OR2L13: variants seen among roughly 807,000 people sequenced by gnomAD.
OR2L13 encodes olfactory receptor 2L13.
A neutral mutation model predicts 15.3 loss-of-function variants in OR2L13; 14 were observed. The ratio of observed to expected loss-of-function variants is 0.91; its 90% CI spans 0.60 to 1.43. The LOEUF (loss-of-function observed/expected upper bound fraction) is 1.43, where lower values mean the gene tolerates loss of function less well. Ranked by LOEUF, OR2L13 falls within the 40% of genes most tolerant of loss-of-function variation. The pLI, the probability that OR2L13 is intolerant of heterozygous loss-of-function variation, is 0.00. For missense variants in OR2L13, 367 were observed against 387.9 expected (o/e 0.95, Z 0.45); for synonymous variants, 152 against 142.9 (o/e 1.06, Z -0.45).
the OR2L13 span, chr1:248,061,094 G>T: frequency 1.1e-4 from 179 of 1,613,864 alleles, no homozygotes; most frequent in Non-Finnish European, 1.5e-4. Context: ...ATGAGCAAAA[G>T]AATGTGTGTG....
the OR2L13 span, among the ~76,000 whole-genome samples, chr1:247,940,755 T>C: frequency 2.0e-5 from 3 of 150,584 alleles, no homozygotes; most frequent in African/African-American, 7.3e-5. Flanking sequence ...TGTGTGTGTG[T>C]GCGCGCGCTA....
chr1:247,995,011 A>C, the OR2L13 span, among the ~76,000 whole-genome samples: 7 of 152,272 alleles, frequency 4.6e-5, 1 homozygote, highest in Non-Finnish European at 7.4e-5. Flanking sequence ...TCCTTCCTTC[A>C]TCTGACTCTA....
At chr1:248,060,546 T>C in the OR2L13 span, 1 of 684,448 alleles carries the variant, frequency 1.5e-6, no homozygotes, top group Non-Finnish European at 2.6e-6. Context: ...AATAATAGTG[T>C]ATATAGGGCT....
chr1:247,962,241 A>G, the OR2L13 span, among the ~76,000 whole-genome samples: 1 of 152,216 alleles, frequency 6.6e-6, no homozygotes, highest in Non-Finnish European at 1.5e-5. Context: ...TAGAGTGCCA[A>G]TTAGGTAATT....
chr1:247,972,852 A>G, the OR2L13 span, among the ~76,000 whole-genome samples: 127,918 of 152,166 alleles, frequency 0.84, 55,493 homozygotes, highest in South Asian at 0.97. Context: ...AATATCCCCA[A>G]TGAACATTGA....
chr1:248,041,496 A>G, the OR2L13 span: 17 of 152,294 alleles, frequency 1.1e-4, no homozygotes, highest in African/African-American at 3.9e-4. Flanking sequence ...AACAAAAGCC[A>G]AAATTGACAA....
chr1:247,979,460 C>G, the OR2L13 span, among the ~76,000 whole-genome samples: 56 of 152,100 alleles, frequency 3.7e-4, no homozygotes, highest in Non-Finnish European at 7.8e-4. Context: ...TGGTTTCCAG[C>G]TTCGTCCATG....
At chr1:247,965,644 A>C in the OR2L13 span, 1 of 1,550,658 alleles carries the variant, frequency 6.4e-7, no homozygotes. Context: ...CTCACAGAGT[A>C]AGACCATTAG....
At chr1:247,978,154 C>T in the OR2L13 span, among the ~76,000 whole-genome samples, 1 of 152,142 alleles carries the variant, frequency 6.6e-6, no homozygotes, top group Non-Finnish European at 1.5e-5. Flanking sequence ...TCTTCGGGTC[C>T]GCACCACCTT....
At chr1:247,969,286 C>T in the OR2L13 span, among the ~76,000 whole-genome samples, 41 of 152,184 alleles carry the variant, frequency 2.7e-4, no homozygotes, top group Non-Finnish European at 4.6e-4. Context: ...TTCTCCCATT[C>T]TGTAGGTTGC....
At chr1:247,987,080 A>G in the OR2L13 span, among the ~76,000 whole-genome samples, 6 of 151,076 alleles carry the variant, frequency 4.0e-5, no homozygotes, top group African/African-American at 9.8e-5. Context: ...TAAAATCACA[A>G]TCTCTTTCAG....
the OR2L13 span, among the ~76,000 whole-genome samples, chr1:248,049,946 C>A: frequency 6.6e-6 from 1 of 152,076 alleles, no homozygotes; most frequent in South Asian, 2.1e-4. Flanking sequence ...GTTTGTGGAT[C>A]TAGAGGAGTT....
chr1:248,004,046 A>C, the OR2L13 span: 1 of 1,611,830 alleles, frequency 6.2e-7, no homozygotes, highest in Non-Finnish European at 8.5e-7. Flanking sequence ...AGTGAGTCAG[A>C]GAATCTGCTC....
At chr1:247,981,640 G>C in the OR2L13 span, among the ~76,000 whole-genome samples, 2 of 152,192 alleles carry the variant, frequency 1.3e-5, no homozygotes, top group Non-Finnish European at 2.9e-5. Context: ...ACAATGTGAA[G>C]GCTGTATTAT....
At chr1:247,975,611 T>C in the OR2L13 span, 3 of 1,307,686 alleles carry the variant, frequency 2.3e-6, no homozygotes, top group African/African-American at 1.5e-5. Flanking sequence ...AGGGAGGTGA[T>C]GGGGGCCCTG....
chr1:248,043,889 C>A, the OR2L13 span, among the ~76,000 whole-genome samples: 1 of 152,006 alleles, frequency 6.6e-6, no homozygotes, highest in South Asian at 2.1e-4. Context: ...GATTAATTTT[C>A]TTAATTAGTA....
the OR2L13 span, among the ~76,000 whole-genome samples, chr1:248,068,238 A>T: frequency 6.6e-6 from 1 of 152,078 alleles, no homozygotes; most frequent in Non-Finnish European, 1.5e-5. Context: ...CCTAACTGGG[A>T]GGCACCCCCC....
At chr1:248,069,049 A>T in the OR2L13 span, among the ~76,000 whole-genome samples, 1 of 152,212 alleles carries the variant, frequency 6.6e-6, no homozygotes, top group Non-Finnish European at 1.5e-5. Context: ...CAAAACACTC[A>T]GCAGTATATT....
At chr1:247,970,014 T>A in the OR2L13 span, among the ~76,000 whole-genome samples, 1 of 152,212 alleles carries the variant, frequency 6.6e-6, no homozygotes, top group Non-Finnish European at 1.5e-5. Flanking sequence ...TTCAGTCAGT[T>A]ACTGAATGCT....
Sources: gnomAD v4.1 joint callset for allele counts (sites outside exome capture counted in the v4.1 genomes callset) on GRCh38, gnomAD v4.1.1 for gene constraint, MANE v1.5 for transcripts, NCBI Gene and HGNC (gene_info 2026-07-23, HGNC 2026-07-21) for gene names.